Variants in NSDHL observed in about 807,000 individuals in gnomAD.
The protein encoded by NSDHL is sterol-4-alpha-carboxylate 3-dehydrogenase, decarboxylating.
A neutral mutation model predicts 23.0 loss-of-function variants in NSDHL; 1 was observed. The observed-to-expected ratio is 0.04, with a 90% CI of 0.02 to 0.21. The LOEUF (loss-of-function observed/expected upper bound fraction) is 0.21. NSDHL is among the 10% of genes least tolerant of loss of function. The pLI is 1.00. For missense variants in NSDHL, 237 were observed against 300.9 expected, an observed-to-expected ratio of 0.79 and a Z score of 1.57; for synonymous variants, 128 against 121.1, an observed-to-expected ratio of 1.06 and a Z score of -0.37.
intron 7 of NSDHL, 33 bp downstream of exon 7, chrX:152,867,706 G>A (rs1933630508): frequency 3.9e-6 from 4 of 1,015,061 alleles, no homozygotes; most frequent in Non-Finnish European, 4.2e-6. Context: ...CTGCACAGGT[G>A]CCTTTCTGCG....
At chrX:152,858,017 G>A (rs955407371) in intron 3 of NSDHL, among the ~76,000 whole-genome samples, 6 of 112,499 alleles carry the variant, frequency 5.3e-5, no homozygotes, top group African/African-American at 1.9e-4. Context: ...TCTTCATTTA[G>A]TAGCTCCAGT....
chrX:152,837,829 T>C (rs182456276), intron 1 of NSDHL, among the ~76,000 whole-genome samples: 2,385 of 111,656 alleles, frequency 0.021, 55 homozygotes, highest in African/African-American at 0.074. Context: ...TTAGGGAGGA[T>C]TCCCTCTTTT....
intron 3 of NSDHL, among the ~76,000 whole-genome samples, chrX:152,856,968 C>T (rs782340744): frequency 8.9e-6 from 1 of 112,500 alleles, no homozygotes; most frequent in Non-Finnish European, 1.9e-5. Context: ...TCGCTTGAGC[C>T]CGGGAGGCAG....
intron 3 of NSDHL, among the ~76,000 whole-genome samples, chrX:152,851,509 T>G (rs1933356191): frequency 9.0e-6 from 1 of 111,621 alleles, no homozygotes; most frequent in Non-Finnish European, 1.9e-5. Flanking sequence ...TTGGTGTCAT[T>G]CGCTATATGG....
At chrX:152,841,752 C>T (rs1556844898) in intron 1 of NSDHL, among the ~76,000 whole-genome samples, 4 of 112,303 alleles carry the variant, frequency 3.6e-5, no homozygotes. Flanking sequence ...GTCTTGTTTT[C>T]AGTAGTTCAG....
chrX:152,836,146 G>A (rs1344954412), intron 1 of NSDHL, among the ~76,000 whole-genome samples: 28 of 112,215 alleles, frequency 2.5e-4, no homozygotes, highest in Middle Eastern at 4.6e-3. Flanking sequence ...TTTTGATGGG[G>A]TTGTTTGTGT....
At chrX:152,843,520 TA>T (rs1191001660) in intron 1 of NSDHL, among the ~76,000 whole-genome samples, 1 of 111,584 alleles carries the variant, frequency 9.0e-6, no homozygotes, top group African/African-American at 3.3e-5. Context: ...CCTTTGCTTG[TA>T]GCCACATCAC....
intron 1 of NSDHL, among the ~76,000 whole-genome samples, chrX:152,832,058 C>T (rs1933022358): frequency 9.0e-6 from 1 of 111,068 alleles, no homozygotes; most frequent in Non-Finnish European, 1.9e-5. Context: ...CGACGTGTCC[C>T]CTTCCATCGC....
chrX:152,840,355 A>G (rs1207363051), intron 1 of NSDHL, among the ~76,000 whole-genome samples: 2 of 112,007 alleles, frequency 1.8e-5, no homozygotes, highest in Admixed American at 9.4e-5. Context: ...GCTGGCGAGG[A>G]GCTGTGATCC....
At chrX:152,841,258 T>C (rs1348682145) in intron 1 of NSDHL, among the ~76,000 whole-genome samples, 2 of 112,920 alleles carry the variant, frequency 1.8e-5, no homozygotes, top group Admixed American at 9.3e-5. Flanking sequence ...CCCCTTGCAC[T>C]TCCTGGGTAA....
intron 1 of NSDHL, among the ~76,000 whole-genome samples, chrX:152,841,278 G>A (rs1556844840): frequency 1.8e-5 from 2 of 112,871 alleles, no homozygotes; most frequent in African/African-American, 6.4e-5. Context: ...AGGCAACGCC[G>A]TGCCCTGCTT....
chrX:152,852,129 G>A (rs1414672469), intron 3 of NSDHL, among the ~76,000 whole-genome samples: 9 of 110,790 alleles, frequency 8.1e-5, no homozygotes, highest in African/African-American at 3.0e-4. Context: ...CGCTTGCATA[G>A]TCTTCACCCC....
chrX:152,851,187 A>G (rs1933351361), intron 3 of NSDHL, among the ~76,000 whole-genome samples: 1 of 112,260 alleles, frequency 8.9e-6, no homozygotes, highest in Admixed American at 9.4e-5. Context: ...CACAAGCCCC[A>G]TTGCTTCACA....
chrX:152,843,558 G>A (rs1026421621), intron 1 of NSDHL, among the ~76,000 whole-genome samples: 1 of 111,452 alleles, frequency 9.0e-6, no homozygotes, highest in Non-Finnish European at 1.9e-5. Flanking sequence ...ATCTTCACAT[G>A]GCCTCCTCCT....
At position 152,867,267 on chromosome X, in the gene NSDHL, G is replaced by A. The variant is rs1236387529; in HGVS notation, c.687-304G>A. ...AAGGCGTTGGCCCCGTGTCTCCTGG[G>A]AAGGGGCTGAAAAGCTGCTACCCAA... On this transcript the variant is annotated intron_variant, in intron 6 of 7. Coordinates refer to ENST00000370274, the MANE Select transcript of NSDHL (RefSeq NM_015922.3). Among the ~76,000 whole-genome samples, 3 of 112,307 alleles carry A rather than the reference G, an allele frequency of 2.7e-5. No individual in the cohort carries two copies. In the East Asian group the frequency reaches 8.5e-4, roughly 32 times the overall value.
At chrX:152,837,684 T>C (rs1392820298) in intron 1 of NSDHL, among the ~76,000 whole-genome samples, 3 of 112,267 alleles carry the variant, frequency 2.7e-5, no homozygotes, top group Non-Finnish European at 1.9e-5. Context: ...GACATGCTAC[T>C]GGATTCAGTT....
intron 3 of NSDHL, among the ~76,000 whole-genome samples, 156 bp from the exon 4 acceptor site, chrX:152,858,614 G>A (rs1180371698): frequency 9.0e-6 from 1 of 111,499 alleles, no homozygotes; most frequent in South Asian, 3.8e-4. Context: ...CATGTACTTC[G>A]GTATCATTGA....
At chrX:152,851,448 C>A (rs1166163010) in intron 3 of NSDHL, among the ~76,000 whole-genome samples, 1 of 111,619 alleles carries the variant, frequency 9.0e-6, no homozygotes, top group Non-Finnish European at 1.9e-5. Flanking sequence ...GCCCGTTGTA[C>A]TTATTATGGA....
intron 1 of NSDHL, among the ~76,000 whole-genome samples, chrX:152,843,115 C>A (rs1376007430): frequency 2.7e-5 from 3 of 111,820 alleles, no homozygotes; most frequent in African/African-American, 9.8e-5. Flanking sequence ...TGACAAGAGG[C>A]TGGTTTGCAA....
Sources: gnomAD v4.1 joint callset for allele counts (sites outside exome capture counted in the v4.1 genomes callset) on GRCh38, gnomAD v4.1.1 for gene constraint, MANE v1.5 for transcripts, NCBI Gene and HGNC (gene_info 2026-07-23, HGNC 2026-07-21) for gene names.